The following MED13L variants were observed in gnomAD, a reference collection of about 807,000 sequenced individuals.
MED13L encodes mediator of RNA polymerase II transcription subunit 13-like.
MED13L carries 7 observed loss-of-function variants against 220.9 expected under a neutral mutation model. The ratio of observed to expected loss-of-function variants is 0.03; its 90% CI spans 0.02 to 0.06. The LOEUF is 0.06. MED13L is among the 10% of genes least tolerant of loss of function. The probability of loss-of-function intolerance (pLI) is 1.00; values close to 1 mark genes in which losing one functional copy is unlikely to be tolerated. For synonymous variants in MED13L, 1,011 were observed against 1,015.2 expected, an observed-to-expected ratio of 1.00 and a Z score of 0.08; for missense variants, 1,965 against 2,760.5, an observed-to-expected ratio of 0.71 and a Z score of 6.46.
At chr12:116,164,937 A>C (rs1031983326) in intron 2 of MED13L, among the ~76,000 whole-genome samples, 1 of 152,230 alleles carries the variant, frequency 6.6e-6, no homozygotes, top group African/African-American at 2.4e-5. Flanking sequence ...ACAAGCAAAA[A>C]GTGTAGCTGG....
At chr12:115,971,497 C>CTCAG (rs1485142575) in intron 26 of MED13L, among the ~76,000 whole-genome samples, 1 of 152,146 alleles carries the variant, frequency 6.6e-6, no homozygotes, top group Non-Finnish European at 1.5e-5. Flanking sequence ...TATAAAATCG[C>CTCAG]TCAGTTACTG....
chr12:116,091,120 CAAAAAAAAAAA>C (rs5801163), intron 4 of MED13L, among the ~76,000 whole-genome samples: 2 of 87,390 alleles, frequency 2.3e-5, no homozygotes, highest in East Asian at 3.3e-4. Context: ...AACTCTGTCT[CAAAAAAAAAAA>C]AAAAAAAAAA....
chr12:116,001,049 T>C (rs1020683303), intron 14 of MED13L, among the ~76,000 whole-genome samples: 2 of 152,152 alleles, frequency 1.3e-5, no homozygotes, highest in Non-Finnish European at 2.9e-5. Context: ...AAAAATAATA[T>C]TTTGGATACT....
intron 2 of MED13L, among the ~76,000 whole-genome samples, chr12:116,200,391 T>G (rs1309539746): frequency 6.6e-6 from 1 of 152,184 alleles, no homozygotes; most frequent in African/African-American, 2.4e-5. Flanking sequence ...CACAATAAAT[T>G]TTCACACTTA....
At chr12:116,226,463 C>T (rs904424696) in intron 2 of MED13L, among the ~76,000 whole-genome samples, 2 of 152,220 alleles carry the variant, frequency 1.3e-5, no homozygotes, top group Admixed American at 6.5e-5. Context: ...TTATGGAACA[C>T]TTACTGGCCA....
intron 1 of MED13L, among the ~76,000 whole-genome samples, chr12:116,248,233 T>C (rs1004988953): frequency 4.6e-5 from 7 of 152,226 alleles, no homozygotes; most frequent in African/African-American, 1.7e-4. Flanking sequence ...AGTTATTTAG[T>C]CTTCTGTTAT....
intron 5 of MED13L, among the ~76,000 whole-genome samples, chr12:116,020,621 C>CT (rs1316423802): frequency 1.3e-5 from 2 of 152,176 alleles, no homozygotes; most frequent in African/African-American, 4.8e-5. Context: ...TAAAACAACT[C>CT]TAAGTAAAAT....
At chr12:116,093,746 T>G (rs1872438227) in intron 4 of MED13L, among the ~76,000 whole-genome samples, 2 of 152,022 alleles carry the variant, frequency 1.3e-5, no homozygotes, top group South Asian at 4.1e-4. Context: ...TACTTAGAAA[T>G]AAGAGCTTTT....
intron 4 of MED13L, among the ~76,000 whole-genome samples, chr12:116,039,555 C>G (rs1228093349): frequency 6.6e-6 from 1 of 152,094 alleles, no homozygotes; most frequent in South Asian, 2.1e-4. Context: ...TAACATAAAT[C>G]TCATAATTCT....
chr12:116,262,606 A>G (rs1317431206), intron 1 of MED13L, among the ~76,000 whole-genome samples: 1 of 152,216 alleles, frequency 6.6e-6, no homozygotes, highest in Non-Finnish European at 1.5e-5. Flanking sequence ...AGTTTACCAT[A>G]TAAACCACTA....
At chr12:116,178,580 C>A (rs530840261) in intron 2 of MED13L, among the ~76,000 whole-genome samples, 1 of 152,316 alleles carries the variant, frequency 6.6e-6, no homozygotes, top group Non-Finnish European at 1.5e-5. Context: ...ATGAATATAT[C>A]TTTGTTAGTA....
intron 2 of MED13L, among the ~76,000 whole-genome samples, chr12:116,164,681 C>T (rs189298190): frequency 1.3e-3 from 204 of 152,318 alleles, no homozygotes; most frequent in Non-Finnish European, 2.2e-3. Flanking sequence ...GACAATTACA[C>T]ACACGACATC....
chr12:116,272,281 G>A (rs1301809276), intron 1 of MED13L, among the ~76,000 whole-genome samples: 1 of 152,124 alleles, frequency 6.6e-6, no homozygotes, highest in Admixed American at 6.5e-5. Flanking sequence ...AAACCAGGCT[G>A]GCCGGGCGCA....
chr12:115,996,537 G>A lies in MED13L; in HGVS notation c.2935C>T (p.Pro979Ser), dbSNP rs752958697. The A allele has an allele frequency of 6.2e-7, 1 of 1,614,212 alleles. No individual in the cohort carries two copies. The highest frequency in any genetic ancestry group is 1.1e-5 in the South Asian group (1 of 91,082). Residue 979 changes from proline to serine, a missense_variant, in exon 16 of 31, where the codon CCT becomes TCT. This residue lies in a region of MED13L where 233 missense variants were observed against 306.2 expected (regional missense o/e 0.76). Coordinates refer to ENST00000281928, the MANE Select transcript of MED13L (RefSeq NM_015335.5). ...ATGGGCAGTTGTTCAATTTTAGGAG[G>A]AATTGCCCATGAAGGCCGAAACAGA... ...ACLFRPSWAI[P>S]PKIEQLPMPP... is the part of the protein sequence containing the mutation.
At chr12:116,038,100 G>A (rs1881293480) in intron 4 of MED13L, among the ~76,000 whole-genome samples, 1 of 151,932 alleles carries the variant, frequency 6.6e-6, no homozygotes, top group Non-Finnish European at 1.5e-5. Context: ...ACAGATTAAA[G>A]TGGAATTTAT....
At chr12:116,126,367 G>C (rs1875588376) in intron 2 of MED13L, among the ~76,000 whole-genome samples, 1 of 152,144 alleles carries the variant, frequency 6.6e-6, no homozygotes, top group Admixed American at 6.6e-5. Context: ...TTTGGATAGG[G>C]CACAGTCTGG....
intron 2 of MED13L, among the ~76,000 whole-genome samples, chr12:116,170,832 C>T (rs1286934962): frequency 1.3e-5 from 2 of 152,100 alleles, no homozygotes; most frequent in African/African-American, 4.8e-5. Flanking sequence ...AACTCCTGAC[C>T]TCAACTGATC....
intron 2 of MED13L, among the ~76,000 whole-genome samples, chr12:116,146,476 T>C (rs2138069792): frequency 6.6e-6 from 1 of 151,744 alleles, no homozygotes; most frequent in South Asian, 2.1e-4. Context: ...TTATCCTTAG[T>C]GTTCGTGTAT....
At position 116,253,466 on chromosome 12, in the gene MED13L, C is replaced by A. The variant is rs531631891; in HGVS notation, c.73-15761G>T. Among the ~76,000 whole-genome samples, 8 of 152,110 alleles carry A rather than the reference C, an allele frequency of 5.3e-5. No homozygotes were observed. The East Asian group carries it at 1.5e-3, about 29-fold the overall frequency. ...AACTATTTTATGACACCAACATTAA[C>A]CATGATACCAAAACCAAACAGAGAT... On this transcript the variant is annotated intron_variant, in intron 1 of 30. Coordinates refer to ENST00000281928, the MANE Select transcript of MED13L (RefSeq NM_015335.5).
Sources: gnomAD v4.1 joint callset for allele counts (sites outside exome capture counted in the v4.1 genomes callset) on GRCh38, gnomAD v4.1.1 for gene constraint, gnomAD v4.1.1 regional missense constraint, MANE v1.5 for transcripts, NCBI Gene and HGNC (gene_info 2026-07-23, HGNC 2026-07-21) for gene names.